DAGLA: variants seen among roughly 807,000 people sequenced by gnomAD.
The protein encoded by DAGLA is diacylglycerol lipase-alpha.
A neutral mutation model predicts 102.6 loss-of-function variants in DAGLA; 22 were observed. That is an observed-to-expected ratio of 0.21 (90% CI 0.15 to 0.31). The LOEUF is 0.31. Ranked by LOEUF, DAGLA falls within the 10% of genes least tolerant of loss-of-function variation. The pLI, the probability that DAGLA is intolerant of heterozygous loss-of-function variation, is 1.00. For missense variants in DAGLA, 927 were observed against 1,446.6 expected (o/e 0.64, Z 5.83); for synonymous variants, 578 against 628.9 (o/e 0.92, Z 1.21).
intron 3 of DAGLA, 76 bp from the exon 4 acceptor site, chr11:61,722,783 G>C (rs956127804): frequency 3.1e-6 from 4 of 1,302,408 alleles, no homozygotes; most frequent in Non-Finnish European, 3.3e-6. Flanking sequence ...GATAGGAAAG[G>C]CCAGGCCGGG....
Position 61,738,127 on chromosome 11 carries a change from C to T in DAGLA, c.1584-8C>T. The T allele has an allele frequency of 1.9e-6, 3 of 1,613,148 alleles. No homozygotes were observed. The highest frequency in any genetic ancestry group is 2.2e-5 in the South Asian group (2 of 91,060). On this transcript the variant is annotated splice_polypyrimidine_tract_variant and splice_region_variant and intron_variant, in intron 15 of 19. Coordinates refer to ENST00000257215, the MANE Select transcript of DAGLA (RefSeq NM_006133.3). ...CTGGCTGACGGCCCTGTCTCGTTCC[C>T]TCCCCAGGATTGGCCTCTCTCAGCT...
chr11:61,686,835 T>TA lies in DAGLA; in HGVS notation c.-45+6333dup, dbSNP rs1290912946. On this transcript the variant is annotated intron_variant, in intron 1 of 19. Coordinates refer to ENST00000257215, the MANE Select transcript of DAGLA (RefSeq NM_006133.3). The surrounding 1 kb of genome is among the most constrained non-coding windows in gnomAD (Gnocchi z 5.2). ...TATTATTGATGTCCCTTCGTTTATATAACATATGCTGCACCTCCCAGCCCC... is the reference window on the plus strand; with the variant it reads ...TATTATTGATGTCCCTTCGTTTATATAAACATATGCTGCACCTCCCAGCCCC... Among the ~76,000 whole-genome samples, 1 of 152,122 alleles carries TA rather than the reference T, an allele frequency of 6.6e-6. No homozygotes were observed. Among genetic ancestry groups the TA allele is most frequent in the Non-Finnish European group, 1.5e-5 (1 of 68,006 alleles).
At chr11:61,727,257 C>G (rs931321358) in intron 6 of DAGLA, among the ~76,000 whole-genome samples, 7 of 152,252 alleles carry the variant, frequency 4.6e-5, no homozygotes, top group Non-Finnish European at 8.8e-5. Flanking sequence ...TTCTGTATTT[C>G]TGAATCTGGT....
At chr11:61,719,109 A>T (rs576743070) in intron 1 of DAGLA, among the ~76,000 whole-genome samples, 41 of 152,268 alleles carry the variant, frequency 2.7e-4, no homozygotes, top group African/African-American at 9.1e-4. Flanking sequence ...CTTTATGGGT[A>T]TCTCTGGGGA....
chr11:61,687,325 T>C (rs1200413321), intron 1 of DAGLA, among the ~76,000 whole-genome samples: 1 of 151,482 alleles, frequency 6.6e-6, no homozygotes, highest in South Asian at 2.1e-4. Flanking sequence ...CATGCTCCAC[T>C]GACTCTAGCA....
intron 1 of DAGLA, among the ~76,000 whole-genome samples, chr11:61,697,777 A>G (rs1417229022): frequency 1.3e-5 from 2 of 151,900 alleles, no homozygotes; most frequent in African/African-American, 4.8e-5. Flanking sequence ...GCAGCCTCGA[A>G]TTCCTGGGCT....
intron 1 of DAGLA, among the ~76,000 whole-genome samples, chr11:61,715,948 G>T (rs181053217): frequency 6.6e-6 from 1 of 152,370 alleles, no homozygotes; most frequent in Admixed American, 6.5e-5. Context: ...CCAGAGGGGG[G>T]GGAGAGGGTT....
rs1017946899 is a variant in DAGLA at position 61,735,701 on chromosome 11, C to A, written c.1213-38C>A. On this transcript the variant is annotated intron_variant, in intron 11 of 19. Coordinates refer to ENST00000257215, the MANE Select transcript of DAGLA (RefSeq NM_006133.3). ...GTGCCTGCCTCCCTCTTCCTGTCCT[C>A]TTTAGCCGCCCCCTCACCTGTCTCC... 1.9e-6 allele frequency: 3 copies of A among 1,612,870 alleles called. No individual in the cohort carries two copies. In the African/African-American group the frequency reaches 4.0e-5, roughly 22 times the overall value.
rs768786092 is a variant in DAGLA at position 61,743,742 on chromosome 11, G to A, written c.2382G>A (p.Ser794=). Residue 794 remains serine, a synonymous_variant, in exon 20 of 20, where the codon TCG becomes TCA. Coordinates refer to ENST00000257215, the MANE Select transcript of DAGLA (RefSeq NM_006133.3). ...SDTESLYSFD[S]RRSSGFRSIR... ...CTGAGTCCCTGTACAGCTTCGACTC[G>A]CGCCGCTCCTCAGGCTTCCGCAGCA... is the stretch of plus-strand genomic sequence containing the variant. 112 of 1,611,956 alleles carry A rather than the reference G, an allele frequency of 6.9e-5. 1 individual carries two copies. The highest frequency in any genetic ancestry group is 8.1e-5 in the Non-Finnish European group (96 of 1,179,828).
Position 61,744,530 on chromosome 11 carries a change from G to C in DAGLA, c.*41G>C. The stretch of plus-strand genomic sequence containing the variant: ...GCCAGCCGGGCCCAGGCAGGAGCAG[G>C]TGGCCCTGTGGGCACCTGGTGCCTG... On this transcript the variant is annotated 3_prime_UTR_variant, in exon 20 of 20. Coordinates refer to ENST00000257215, the MANE Select transcript of DAGLA (RefSeq NM_006133.3). The C allele has an allele frequency of 6.7e-7, 1 of 1,494,078 alleles. No homozygotes were observed. Among genetic ancestry groups the C allele is most frequent in the Non-Finnish European group, 9.0e-7 (1 of 1,115,460 alleles). The allele number at this position is 1,494,078 out of a possible 1,614,324, so 92.6% of individuals were successfully genotyped here. A position where few individuals can be genotyped will look rare whatever the true frequency, so the allele number is the denominator to read the frequency against.
At chr11:61,730,064 A>G (rs1198439683) in intron 8 of DAGLA, among the ~76,000 whole-genome samples, 1 of 151,386 alleles carries the variant, frequency 6.6e-6, no homozygotes, top group Non-Finnish European at 1.5e-5. Context: ...CTTAAAAAGA[A>G]GAAAAAAAAA....
intron 1 of DAGLA, among the ~76,000 whole-genome samples, chr11:61,691,473 C>T (rs568012135): frequency 3.5e-4 from 53 of 152,334 alleles, no homozygotes; most frequent in African/African-American, 1.1e-3. Context: ...CTGGTTCTTC[C>T]GCCCGAGTTC....
intron 19 of DAGLA, among the ~76,000 whole-genome samples, chr11:61,743,040 A>G (rs980756638): frequency 4.6e-5 from 7 of 152,218 alleles, no homozygotes; most frequent in East Asian, 1.9e-4. Context: ...TTTGTCTTCT[A>G]TCTTGGGTTC....
At position 61,738,071 on chromosome 11, in the gene DAGLA, G is replaced by A. The variant is rs1030002859; in HGVS notation, c.1584-64G>A. 4.1e-5 allele frequency: 56 copies of A among 1,353,378 alleles called. No homozygotes were observed. In the African/African-American group the frequency reaches 7.0e-4, roughly 17 times the overall value. 83.8% of individuals were successfully genotyped at this position (1,353,378 alleles called of 1,614,324 possible). On this transcript the variant is annotated intron_variant, in intron 15 of 19. Coordinates refer to ENST00000257215, the MANE Select transcript of DAGLA (RefSeq NM_006133.3). Reference sequence around the variant, plus strand: ...GCGTGTGCCTGCCCCTCCGCCCCTGGCCCCATACCTCTCATAGCCGCTGAC... The same window carrying A: ...GCGTGTGCCTGCCCCTCCGCCCCTGACCCCATACCTCTCATAGCCGCTGAC...
intron 1 of DAGLA, among the ~76,000 whole-genome samples, chr11:61,707,115 C>T (rs1468134232): frequency 1.3e-5 from 2 of 152,226 alleles, no homozygotes; most frequent in East Asian, 1.9e-4. Flanking sequence ...GCCAAACTCC[C>T]GCCCCCTCCC....
intron 12 of DAGLA, 27 bp from the exon 13 acceptor site, chr11:61,736,243 C>T (rs777871775): frequency 1.1e-5 from 18 of 1,605,044 alleles, no homozygotes; most frequent in Middle Eastern, 3.3e-4. Context: ...CTCCCACCAA[C>T]ACCTGCTTCT....
At chr11:61,709,929 G>C (rs1189819659) in intron 1 of DAGLA, among the ~76,000 whole-genome samples, 3 of 152,110 alleles carry the variant, frequency 2.0e-5, no homozygotes, top group Non-Finnish European at 4.4e-5. Flanking sequence ...CCCCACCTTT[G>C]AGCAGCAGGC....
Position 61,744,082 on chromosome 11 carries a change from C to T in DAGLA, c.2722C>T (p.Pro908Ser). 1.9e-6 allele frequency: 3 copies of T among 1,612,904 alleles called. 1 individual carries two copies. In the South Asian group the frequency reaches 3.3e-5, roughly 18 times the overall value. Reference sequence around the variant, plus strand: ...TGGGCGCCTGGGGGACTCGCCCAGTCCTCAGGTGCTGGAATTCGCCGAGTT... The same window carrying T: ...TGGGCGCCTGGGGGACTCGCCCAGTTCTCAGGTGCTGGAATTCGCCGAGTT... ...HNGRLGDSPS[P>S]QVLEFAEFID... Residue 908 changes from proline (P) to serine (S), a missense_variant, in exon 20 of 20, where the codon CCT (proline) becomes TCT (serine). By Grantham distance (74) the Pro-to-Ser change is moderately conservative. Transcript: ENST00000257215.
chr11:61,720,728 G>A lies in DAGLA; in HGVS notation c.145G>A (p.Glu49Lys), dbSNP rs1298123287. Reference sequence around the variant, plus strand: ...CTTCGGCCTGGTCTATAACCCGCACGAGGCCTGCTCCCTGAACCTGGTGGA... The same window carrying A: ...CTTCGGCCTGGTCTATAACCCGCACAAGGCCTGCTCCCTGAACCTGGTGGA... ...VLFGLVYNPH[E>K]ACSLNLVDHG... Residue 49 changes from glutamate to lysine, a missense_variant, in exon 3 of 20, where the codon GAG becomes AAG. Physicochemically the swap from Glu to Lys is moderately conservative, Grantham distance 56. Around this residue, in one of 4 missense-constraint regions of DAGLA, gnomAD observed 231 missense variants for 439.8 expected, o/e 0.53. Coordinates refer to ENST00000257215, the MANE Select transcript of DAGLA (RefSeq NM_006133.3). 2 of 1,613,860 alleles carry A rather than the reference G, an allele frequency of 1.2e-6. No individual in the cohort carries two copies. Among genetic ancestry groups the A allele is most frequent in the East Asian group, 2.2e-5 (1 of 44,890 alleles).
Sources: gnomAD v4.1 joint callset for allele counts (sites outside exome capture counted in the v4.1 genomes callset) on GRCh38, gnomAD v4.1.1 for gene constraint, gnomAD v4.1.1 regional missense constraint, Gnocchi (gnomAD v3.1) non-coding constraint, MANE v1.5 for transcripts, NCBI Gene and HGNC (gene_info 2026-07-23, HGNC 2026-07-21) for gene names.